FHIT: variants seen among roughly 807,000 people sequenced by gnomAD.
FHIT encodes the protein bis(5'-adenosyl)-triphosphatase.
Under a neutral mutation model 17.9 loss-of-function variants are expected in FHIT, and 19 were observed. That is an observed-to-expected ratio of 1.06 (90% CI 0.74 to 1.56). The LOEUF (loss-of-function observed/expected upper bound fraction) is 1.56. Ranked by LOEUF, FHIT falls within the 40% of genes most tolerant of loss-of-function variation. The pLI is 0.00. For missense variants in FHIT, 248 were observed against 189.2 expected (o/e 1.31, Z -1.82); for synonymous variants, 81 against 69.7 (o/e 1.16, Z -0.81).
At chr3:59,796,277 C>G (rs1006691018) in intron 8 of FHIT, among the ~76,000 whole-genome samples, 1 of 152,144 alleles carries the variant, frequency 6.6e-6, no homozygotes, top group Non-Finnish European at 1.5e-5. Context: ...TACCCTGGCT[C>G]TGGGCCACCC....
At chr3:60,444,238 T>C (rs533416191) in intron 5 of FHIT, among the ~76,000 whole-genome samples, 2 of 152,200 alleles carry the variant, frequency 1.3e-5, no homozygotes, top group Non-Finnish European at 2.9e-5. Flanking sequence ...ACTTTTACAT[T>C]GTTGGTGGGA....
chr3:60,137,263 C>T (rs1473907239), intron 5 of FHIT, among the ~76,000 whole-genome samples: 1 of 152,128 alleles, frequency 6.6e-6, no homozygotes, highest in African/African-American at 2.4e-5. Flanking sequence ...TAATTAATGA[C>T]ATTTTGAAAA....
intron 5 of FHIT, among the ~76,000 whole-genome samples, chr3:60,278,162 C>T (rs976690727): frequency 2.6e-5 from 4 of 152,166 alleles, no homozygotes; most frequent in Non-Finnish European, 5.9e-5. Context: ...CTCTTGCAGC[C>T]TAGTCTTAGG....
chr3:59,900,550 T>C (rs1704280271), intron 8 of FHIT, among the ~76,000 whole-genome samples: 1 of 152,184 alleles, frequency 6.6e-6, no homozygotes, highest in South Asian at 2.1e-4. Flanking sequence ...GAATCCCCCA[T>C]GTCTCATTAC....
intron 5 of FHIT, among the ~76,000 whole-genome samples, chr3:60,367,076 TCATCAATACTCAACTAATCTATAAAATG>T: frequency 6.6e-6 from 1 of 152,336 alleles, no homozygotes; most frequent in Non-Finnish European, 1.5e-5. Flanking sequence ...TCAATGAGAC[TCATCAATACTCAACTAATCTATAAAATG>T]AGCTCAACCT....
intron 5 of FHIT, among the ~76,000 whole-genome samples, chr3:60,534,872 G>C (rs1171464020): frequency 6.6e-6 from 1 of 152,136 alleles, no homozygotes; most frequent in African/African-American, 2.4e-5. Context: ...CCTAGACATA[G>C]ACATTTCTAC....
chr3:60,650,221 G>C (rs781825548), intron 4 of FHIT, among the ~76,000 whole-genome samples: 4 of 152,166 alleles, frequency 2.6e-5, no homozygotes, highest in African/African-American at 9.7e-5. Context: ...GCACAGAATT[G>C]TCAACAAAAC....
chr3:60,266,236 A>G (rs1706571382), intron 5 of FHIT, among the ~76,000 whole-genome samples: 1 of 152,114 alleles, frequency 6.6e-6, no homozygotes, highest in South Asian at 2.1e-4. Flanking sequence ...TAAAGTACTG[A>G]GACACATTAC....
At chr3:60,507,382 C>A (rs1202631092) in intron 5 of FHIT, among the ~76,000 whole-genome samples, 2 of 152,162 alleles carry the variant, frequency 1.3e-5, no homozygotes, top group Non-Finnish European at 2.9e-5. Context: ...GAGAGAAAGA[C>A]TGAAGCAAGA....
chr3:60,061,212 A>T (rs17258256), intron 5 of FHIT, among the ~76,000 whole-genome samples: 12,805 of 152,310 alleles, frequency 0.084, 625 homozygotes, highest in Non-Finnish European at 0.11. Flanking sequence ...ATGGTTTAAG[A>T]GAGCAGATCC....
rs140957965 is a variant in FHIT at position 60,822,822 on chromosome 3, G to A, written c.-110-811C>T. 7.2e-5 allele frequency among the ~76,000 whole-genome samples: 11 copies of A among 152,224 alleles called. No individual in the cohort carries two copies. In the East Asian group the frequency reaches 2.1e-3, roughly 29 times the overall value. On this transcript the variant is annotated intron_variant, in intron 3 of 9. Transcript: ENST00000492590. ...GGACAAGTGACAGGGAGGCTATTGAGACCTTGCTGCTCATAAATCACTCAA... is the reference window on the plus strand; with the variant it reads ...GGACAAGTGACAGGGAGGCTATTGAAACCTTGCTGCTCATAAATCACTCAA...
chr3:60,063,279 C>T (rs934781133), intron 5 of FHIT, among the ~76,000 whole-genome samples: 6 of 152,120 alleles, frequency 3.9e-5, no homozygotes, highest in South Asian at 2.1e-4. Flanking sequence ...TCTGGCAATA[C>T]GGTAAATTTT....
chr3:60,278,662 C>T (rs59260471), intron 5 of FHIT, among the ~76,000 whole-genome samples: 18 of 151,936 alleles, frequency 1.2e-4, no homozygotes, highest in Admixed American at 1.2e-3. Context: ...GAACTTAAAG[C>T]TACAGCAAGC....
At chr3:60,410,172 A>G (rs1303183942) in intron 5 of FHIT, among the ~76,000 whole-genome samples, 3 of 152,218 alleles carry the variant, frequency 2.0e-5, no homozygotes, top group Non-Finnish European at 2.9e-5. Context: ...GCATCTAGAG[A>G]GAGGCAAGGA....
intron 5 of FHIT, among the ~76,000 whole-genome samples, chr3:60,380,694 A>T (rs1037921834): frequency 2.0e-5 from 3 of 152,194 alleles, no homozygotes. Flanking sequence ...CCATCTTTTC[A>T]GACCTATATT....
At chr3:60,733,630 T>C (rs1253269552) in intron 4 of FHIT, among the ~76,000 whole-genome samples, 2 of 152,178 alleles carry the variant, frequency 1.3e-5, no homozygotes, top group Non-Finnish European at 2.9e-5. Context: ...CCATATAATT[T>C]TCCCTAGATC....
chr3:59,980,666 G>C (rs1708613627), intron 7 of FHIT, among the ~76,000 whole-genome samples: 2 of 152,132 alleles, frequency 1.3e-5, no homozygotes, highest in South Asian at 4.1e-4. Context: ...AGGAGGCAAG[G>C]GGCCGTTTCC....
intron 5 of FHIT, among the ~76,000 whole-genome samples, chr3:60,301,817 A>T (rs1410072077): frequency 1.3e-5 from 2 of 152,146 alleles, no homozygotes; most frequent in Non-Finnish European, 2.9e-5. Context: ...AGAAGCACAG[A>T]TTACTCTTAT....
intron 4 of FHIT, among the ~76,000 whole-genome samples, chr3:60,696,481 A>G (rs148563203): frequency 3.5e-4 from 53 of 152,292 alleles, no homozygotes; most frequent in African/African-American, 1.2e-3. Flanking sequence ...ATTTCCTAGA[A>G]CATCCAGAAA....
Sources: allele counts gnomAD v4.1 joint callset (sites outside exome capture counted in the v4.1 genomes callset), GRCh38; gene constraint gnomAD v4.1.1; transcripts MANE v1.5; gene names NCBI Gene and HGNC (gene_info 2026-07-23, HGNC 2026-07-21).